The following SLC16A7 variants were observed in gnomAD, a reference collection of about 807,000 sequenced individuals.
The protein encoded by SLC16A7 is monocarboxylate transporter 2.
In SLC16A7, 33 loss-of-function variants were observed where a neutral mutation model predicts 34.9. The observed-to-expected ratio is 0.94, with a 90% CI of 0.72 to 1.26. SLC16A7 has a LOEUF of 1.26. SLC16A7 is among the 50% of genes most tolerant of loss of function. SLC16A7 has a pLI of 0.00. For synonymous variants in SLC16A7, 201 were observed against 206.6 expected, an observed-to-expected ratio of 0.97 and a Z score of 0.23; for missense variants, 573 against 578.1, an observed-to-expected ratio of 0.99 and a Z score of 0.09.
intron 1 of SLC16A7, among the ~76,000 whole-genome samples, chr12:59,603,875 A>G (rs1451270698): frequency 6.6e-6 from 1 of 152,168 alleles, no homozygotes; most frequent in African/African-American, 2.4e-5. Flanking sequence ...ACTGAGGCAG[A>G]CTGTTCTTTT....
At chr12:59,738,906 C>T (rs1877932461) in intron 3 of SLC16A7, among the ~76,000 whole-genome samples, 1 of 151,252 alleles carries the variant, frequency 6.6e-6, no homozygotes, top group Non-Finnish European at 1.5e-5. Flanking sequence ...ATTTATATCA[C>T]TTACCCATTT....
intron 3 of SLC16A7, among the ~76,000 whole-genome samples, chr12:59,709,807 C>T (rs780344644): frequency 1.3e-5 from 2 of 151,710 alleles, no homozygotes; most frequent in African/African-American, 2.4e-5. Context: ...CTATTATGCT[C>T]ACCGTGCATC....
chr12:59,631,521 A>G (rs1261063978), intron 1 of SLC16A7, among the ~76,000 whole-genome samples: 1 of 151,980 alleles, frequency 6.6e-6, no homozygotes, highest in Non-Finnish European at 1.5e-5. Flanking sequence ...CGCATTGAGT[A>G]TACAACTTGG....
intron 1 of SLC16A7, among the ~76,000 whole-genome samples, chr12:59,650,718 T>C (rs953940677): frequency 1.3e-5 from 2 of 152,060 alleles, no homozygotes; most frequent in Non-Finnish European, 2.9e-5. Flanking sequence ...TGCTCAGGCG[T>C]GGGTTGGGAG....
At chr12:59,638,349 G>A (rs1427861677) in intron 1 of SLC16A7, among the ~76,000 whole-genome samples, 1 of 151,968 alleles carries the variant, frequency 6.6e-6, no homozygotes, top group South Asian at 2.1e-4. Flanking sequence ...GAGAAGAGGG[G>A]TTCTAGATTC....
chr12:59,771,313 C>G lies in SLC16A7; in HGVS notation c.312C>G (p.Ser104=). 1 of 1,612,762 alleles carries G rather than the reference C, an allele frequency of 6.2e-7. No homozygotes were observed. Among genetic ancestry groups the G allele is most frequent in the Non-Finnish European group, 8.5e-7 (1 of 1,179,298 alleles). Reference sequence around the variant, plus strand: ...GCTGTCTTGGAATGGTGTTGGCCTCCTTTAGTAGCAGCGTGGTACAGCTGT... The same window carrying G: ...GCTGTCTTGGAATGGTGTTGGCCTCGTTTAGTAGCAGCGTGGTACAGCTGT... ...LLCCLGMVLA[S]FSSSVVQLYL... Residue 104 remains serine, a synonymous_variant, in exon 4 of 6, where the codon TCC becomes TCG. Transcript: ENST00000547379.
At chr12:59,605,799 T>C (rs1201503802) in intron 1 of SLC16A7, among the ~76,000 whole-genome samples, 2 of 152,206 alleles carry the variant, frequency 1.3e-5, no homozygotes, top group Non-Finnish European at 2.9e-5. Flanking sequence ...TTTTCCTTTT[T>C]TCTCAATCTG....
intron 3 of SLC16A7, among the ~76,000 whole-genome samples, chr12:59,754,813 A>T (rs1880093408): frequency 6.6e-6 from 1 of 152,178 alleles, no homozygotes; most frequent in Non-Finnish European, 1.5e-5. Flanking sequence ...AAAAAAGAGA[A>T]TTTTAGACCA....
rs1883220859 is a variant in SLC16A7 at position 59,781,201 on chromosome 12, A to C, written c.*1522A>C. ...ACTATAAATACCATTTTGAGTGAGA[A>C]AGTACTTTTAAACAAGAAAGAAATT... is the stretch of plus-strand genomic sequence containing the variant. On this transcript the variant is annotated 3_prime_UTR_variant, in exon 6 of 6. Coordinates refer to ENST00000547379, the MANE Select transcript of SLC16A7 (RefSeq NM_001270623.2). 6.6e-6 allele frequency: 1 copy of C among 152,374 alleles called. No individual in the cohort carries two copies. The highest frequency in any genetic ancestry group is 1.5e-5 in the Non-Finnish European group (1 of 68,018). The allele number at this position is 152,374 out of a possible 1,614,324, so 9.4% of individuals were successfully genotyped here.
chr12:59,730,652 A>G (rs1249251706), intron 3 of SLC16A7, among the ~76,000 whole-genome samples: 1 of 152,292 alleles, frequency 6.6e-6, no homozygotes, highest in East Asian at 1.9e-4. Flanking sequence ...CTGAGTATCT[A>G]TGCAAAGTTC....
chr12:59,690,141 C>T lies in SLC16A7; in HGVS notation c.-30-14631C>T, dbSNP rs114795165. On this transcript the variant is annotated intron_variant, in intron 2 of 5. Transcript: ENST00000547379. ...TCCTCTTTTACTGTAGAGCCATATA[C>T]GTAATTTCCCTAAGCCATGACTCTG... 1.8e-3 allele frequency among the ~76,000 whole-genome samples: 267 copies of T among 152,046 alleles called. 1 individual carries two copies. Among genetic ancestry groups the T allele is most frequent in the Middle Eastern group, 0.017 (5 of 294 alleles).
At chr12:59,705,150 T>C (rs1873419286) in intron 3 of SLC16A7, 132 bp downstream of exon 3, 3 of 617,080 alleles carry the variant, frequency 4.9e-6, no homozygotes, top group Non-Finnish European at 8.5e-6. Context: ...CAATCAAAAG[T>C]ATAATTAGAA....
chr12:59,687,581 A>G (rs1294607821), intron 2 of SLC16A7, among the ~76,000 whole-genome samples: 1 of 152,130 alleles, frequency 6.6e-6, no homozygotes, highest in Non-Finnish European at 1.5e-5. Context: ...ACCCTAGCTC[A>G]GATTTTGCTA....
intron 1 of SLC16A7, among the ~76,000 whole-genome samples, chr12:59,618,994 A>G (rs931864889): frequency 3.3e-5 from 5 of 152,000 alleles, no homozygotes; most frequent in Non-Finnish European, 7.4e-5. Flanking sequence ...TTATAAAGAA[A>G]ATTTCCATGA....
Position 59,674,220 on chromosome 12 carries a change from G to A in SLC16A7, c.-31+18970G>A, listed in dbSNP as rs193214200. On this transcript the variant is annotated intron_variant, in intron 2 of 5. Transcript: ENST00000547379. ...TTTAAGGATTCAGATAATTCTAGCAGGGAAAAGCTGCCATAGAGTGTTACG... is the reference window on the plus strand; with the variant it reads ...TTTAAGGATTCAGATAATTCTAGCAAGGAAAAGCTGCCATAGAGTGTTACG... Among the ~76,000 whole-genome samples the A allele has an allele frequency of 2.1e-3, 318 of 152,250 alleles. 5 individuals carry two copies. Among genetic ancestry groups the A allele is most frequent in the Non-Finnish European group, 5.3e-4 (36 of 68,006 alleles).
In SLC16A7 at chr12:59,704,817, A is replaced by G. The variant is rs1407413689; in HGVS notation, c.16A>G (p.Ser6Gly). The G allele has an allele frequency of 6.2e-7, 1 of 1,613,282 alleles. No individual in the cohort carries two copies. Among genetic ancestry groups the G allele is most frequent in the Non-Finnish European group, 8.5e-7 (1 of 1,179,486 alleles). The stretch of plus-strand genomic sequence containing the variant: ...AGGAGCAGAAATGCCACCAATGCCA[A>G]GTGCCCCACCTGTGCATCCACCTCC... Reference protein sequence around the residue: MPPMPSAPPVHPPPDG... With the variant: MPPMPGAPPVHPPPDG... Residue 6 changes from serine to glycine, a missense_variant, in exon 3 of 6, where the codon AGT becomes GGT. Transcript: ENST00000547379.
intron 2 of SLC16A7, among the ~76,000 whole-genome samples, chr12:59,687,760 C>T (rs1041231746): frequency 6.6e-6 from 1 of 152,076 alleles, no homozygotes; most frequent in Non-Finnish European, 1.5e-5. Context: ...GGGACATGTT[C>T]TTATTTTGGA....
chr12:59,715,319 A>C (rs1475377152), intron 3 of SLC16A7, among the ~76,000 whole-genome samples: 1 of 152,208 alleles, frequency 6.6e-6, no homozygotes, highest in Non-Finnish European at 1.5e-5. Context: ...TGTATTCAAT[A>C]TATTTCACTG....
At chr12:59,729,602 C>G (rs1480171166) in intron 3 of SLC16A7, among the ~76,000 whole-genome samples, 1 of 152,166 alleles carries the variant, frequency 6.6e-6, no homozygotes. Flanking sequence ...CCCTTTCCCT[C>G]CCCACCCCTT....
Sources: gnomAD v4.1 joint callset for allele counts (sites outside exome capture counted in the v4.1 genomes callset) on GRCh38, gnomAD v4.1.1 for gene constraint, MANE v1.5 for transcripts, NCBI Gene and HGNC (gene_info 2026-07-23, HGNC 2026-07-21) for gene names.